The following SUN2 variants were observed in gnomAD, a reference collection of about 807,000 sequenced individuals.
SUN2 encodes Sad1 and UNC84 domain containing 2.
SUN2 carries 60 observed loss-of-function variants against 100.0 expected under a neutral mutation model. The observed-to-expected ratio is 0.60, with a 90% confidence interval of 0.49 to 0.74. SUN2 has a LOEUF of 0.74. Among genes scored for constraint, SUN2 ranks in the 30% least tolerant of loss-of-function variants. The pLI is 0.00. For synonymous variants in SUN2, 367 were observed against 403.3 expected, an observed-to-expected ratio of 0.91 and a Z score of 1.08; for missense variants, 834 against 954.6, an observed-to-expected ratio of 0.87 and a Z score of 1.66.
Position 38,738,366 on chromosome 22 carries a change from A to G in SUN2, c.1948-101T>C, listed in dbSNP as rs1453320243. 2 of 1,179,574 alleles carry G rather than the reference A, an allele frequency of 1.7e-6. No individual in the cohort carries two copies. The highest frequency in any genetic ancestry group is 2.0e-4 in the Middle Eastern group (1 of 4,994). 73.1% of individuals were successfully genotyped at this position (1,179,574 alleles called of 1,614,324 possible). On this transcript the variant is annotated intron_variant, in intron 16 of 17. Transcript: ENST00000689035. The surrounding 1 kb of genome is among the most constrained non-coding windows in gnomAD (Gnocchi z 6.6). ...TCCCACCCAGCAGGTCAGGCACCAG[A>G]GTGGCCTATGACAAGTCACTTCACT...
rs530243555 is a variant in SUN2 at position 38,736,164 on chromosome 22, T to A, written c.*103A>T. The stretch of plus-strand genomic sequence containing the variant: ...CTGCATGGGGCCACAGGCTCCTCTC[T>A]TGTGCTCCTAGAAGTCAGAGCGCCG... On this transcript the variant is annotated 3_prime_UTR_variant, in exon 18 of 18. Coordinates refer to ENST00000689035, the MANE Select transcript of SUN2 (RefSeq NM_015374.3). The A allele has an allele frequency of 8.9e-7, 1 of 1,127,506 alleles. No individual in the cohort carries two copies. Among genetic ancestry groups the A allele is most frequent in the East Asian group, 2.4e-5 (1 of 41,678 alleles). The allele number at this position is 1,127,506 out of a possible 1,614,324, so 69.8% of individuals were successfully genotyped here. A position where few individuals can be genotyped will look rare whatever the true frequency, so the allele number is the denominator to read the frequency against.
chr22:38,738,746 C>T lies in SUN2; in HGVS notation c.1788G>A (p.Val596=). The part of the protein sequence containing the change: ...QSPRVILQPD[V]HPGNCWAFQG... Reference sequence around the variant, plus strand: ...GGAAGGCCCAGCAGTTGCCTGGGTGCACATCTGGCTGGAGGAGCAGAAAGT... The same window carrying T: ...GGAAGGCCCAGCAGTTGCCTGGGTGTACATCTGGCTGGAGGAGCAGAAAGT... The change falls in exon 16 of 18, where the codon GTG becomes GTA. Residue 596 remains valine (V), a synonymous_variant. Coordinates refer to ENST00000689035, the MANE Select transcript of SUN2 (RefSeq NM_015374.3). The surrounding 1 kb of genome is among the most constrained non-coding windows in gnomAD (Gnocchi z 6.6). 2 of 1,613,390 alleles carry T rather than the reference C, an allele frequency of 1.2e-6. No individual in the cohort carries two copies. The highest frequency in any genetic ancestry group is 1.7e-6 in the Non-Finnish European group (2 of 1,179,890).
chr22:38,739,767 C>T lies in SUN2; in HGVS notation c.1533G>A (p.Leu511=). Residue 511 remains leucine, a synonymous_variant, in exon 13 of 18, where the codon CTG becomes CTA. Coordinates refer to ENST00000689035, the MANE Select transcript of SUN2 (RefSeq NM_015374.3). The surrounding 1 kb of genome is among the most constrained non-coding windows in gnomAD (Gnocchi z 6.7). Reference sequence around the variant, plus strand: ...CACCTTCTTTCTGCAGCGTCAGGCTCAGGGAGGCCGCGGCTTCCCTGGCCG... The same window carrying T: ...CACCTTCTTTCTGCAGCGTCAGGCTTAGGGAGGCCGCGGCTTCCCTGGCCG... The part of the protein sequence containing the change: ...GKSAREAAAS[L]SLTLQKEGVI... The T allele has an allele frequency of 6.2e-7, 1 of 1,613,690 alleles. No homozygotes were observed. Among genetic ancestry groups the T allele is most frequent in the East Asian group, 2.2e-5 (1 of 44,886 alleles).
intron 7 of SUN2, among the ~76,000 whole-genome samples, chr22:38,747,834 T>G (rs2092915817): frequency 6.6e-6 from 1 of 151,998 alleles, no homozygotes; most frequent in Non-Finnish European, 1.5e-5. Context: ...TCCCAGCTAC[T>G]TGGGAGGCTG....
At position 38,755,051 on chromosome 22, in the gene SUN2, TC is replaced by T. The variant is rs2092975458; in HGVS notation, c.-38+711del. The stretch of plus-strand genomic sequence containing the variant: ...CTAACAATCAGTTAGGAAACGCTCA[TC>T]GGAAAGCATCCTTCCCCACTTCTCA... On this transcript the variant is annotated intron_variant, in intron 1 of 17. Coordinates refer to ENST00000689035, the MANE Select transcript of SUN2 (RefSeq NM_015374.3). This position sits in a 1 kb window ranked among gnomAD's most constrained non-coding sequence, Gnocchi z 5.7. The T allele has an allele frequency of 3.8e-6, 4 of 1,040,742 alleles. No individual in the cohort carries two copies. The highest frequency in any genetic ancestry group is 6.6e-5 in the East Asian group (1 of 15,254). 64.5% of individuals were successfully genotyped at this position (1,040,742 alleles called of 1,614,324 possible).
Position 38,736,288 on chromosome 22 carries a change from C to T in SUN2, c.2133G>A (p.Val711=). The change falls in exon 18 of 18, where the codon GTG becomes GTA. Residue 711 remains valine, a synonymous_variant. Coordinates refer to ENST00000689035, the MANE Select transcript of SUN2 (RefSeq NM_015374.3). The part of the protein sequence containing the change: ...PEYTCIYRFR[V]HGEPAH ...AGGGCTAGTGGGCGGGCTCCCCATG[C>T]ACTCTGAAGCGGTAGATGCAGGTGT... 3 of 1,613,668 alleles carry T rather than the reference C, an allele frequency of 1.9e-6. No homozygotes were observed. The highest frequency in any genetic ancestry group is 1.1e-5 in the South Asian group (1 of 91,038).
At position 38,735,429 on chromosome 22, in the gene SUN2, C is replaced by T. The variant is rs2092795285; in HGVS notation, c.*838G>A. 3.0e-6 allele frequency: 1 copy of T among 338,112 alleles called. No homozygotes were observed. The highest frequency in any genetic ancestry group is 4.1e-5 in the Admixed American group (1 of 24,198). 20.9% of individuals were successfully genotyped at this position (338,112 alleles called of 1,614,324 possible). A position where few individuals can be genotyped will look rare whatever the true frequency, so the allele number is the denominator to read the frequency against. ...TGCTATAACCCCAGATGCTAATGGC[C>T]CCAAAGACAGGTCTAGGTCTCCATA... On this transcript the variant is annotated 3_prime_UTR_variant, in exon 18 of 18. Transcript: ENST00000689035.
At position 38,736,267 on chromosome 22, in the gene SUN2, C is replaced by T; in HGVS notation, c.2154G>A (p.Ter718=). The T allele has an allele frequency of 1.2e-6, 2 of 1,611,610 alleles. No homozygotes were observed. The highest frequency in any genetic ancestry group is 1.7e-6 in the Non-Finnish European group (2 of 1,178,546). The part of the protein sequence containing the change: ...RFRVHGEPAH[*] ...TGGCAGCAGGCACCAGTAAGCAGGG[C>T]TAGTGGGCGGGCTCCCCATGCACTC... Residue 718 remains the stop codon, a stop_retained_variant, in exon 18 of 18, where the codon TAG becomes TAA. Transcript: ENST00000689035.
At chr22:38,748,885 G>T (rs912328119) in intron 6 of SUN2, 102 bp from the exon 7 acceptor site, 2 of 1,204,020 alleles carry the variant, frequency 1.7e-6, no homozygotes, top group Non-Finnish European at 2.5e-6. Context: ...TTTCCTGGGT[G>T]CTGAACTAGA....
At chr22:38,743,175 T>C (rs772710622) in intron 8 of SUN2, 2 of 152,246 alleles carry the variant, frequency 1.3e-5, no homozygotes, top group African/African-American at 2.4e-5. Flanking sequence ...AACAAAATCA[T>C]TGCCAAGAGA....
chr22:38,739,495 T>C lies in SUN2; in HGVS notation c.1579-69A>G. On this transcript the variant is annotated intron_variant, in intron 13 of 17. Coordinates refer to ENST00000689035, the MANE Select transcript of SUN2 (RefSeq NM_015374.3). This position sits in a 1 kb window ranked among gnomAD's most constrained non-coding sequence, Gnocchi z 6.7. ...GTGTCCCCCTGTCACCTCGTGGCCGTGGGCCAAGGACCCATGGGCTGACCC... is the reference window on the plus strand; with the variant it reads ...GTGTCCCCCTGTCACCTCGTGGCCGCGGGCCAAGGACCCATGGGCTGACCC... 2 of 1,560,224 alleles carry C rather than the reference T, an allele frequency of 1.3e-6. No homozygotes were observed. The highest frequency in any genetic ancestry group is 2.2e-5 in the South Asian group (2 of 88,898).
At position 38,738,942 on chromosome 22, in the gene SUN2, CTTGGTCTCG is replaced by C; in HGVS notation, c.1701_1709del (p.Tyr567_Lys570delinsTer). The stretch of plus-strand genomic sequence containing the variant: ...TGCCGAAGAGGCTGAGGAGGGCCGT[CTTGGTCTCG>C]TAGGTCTCAGAACATCGGGTGCTGA... On this transcript the variant is annotated stop_gained and inframe_deletion, in exon 15 of 18. Coordinates refer to ENST00000689035, the MANE Select transcript of SUN2 (RefSeq NM_015374.3). LOFTEE classifies it high-confidence loss of function. This position sits in a 1 kb window ranked among gnomAD's most constrained non-coding sequence, Gnocchi z 6.6. 1 of 1,613,674 alleles carries C rather than the reference CTTGGTCTCG, an allele frequency of 6.2e-7. No homozygotes were observed. The highest frequency in any genetic ancestry group is 8.5e-7 in the Non-Finnish European group (1 of 1,179,838).
rs545823498 is a variant in SUN2, at chr22:38,750,229, C to T, written c.516G>A (p.Ser172=). The change falls in exon 5 of 18, where the codon TCG becomes TCA. Residue 172 remains serine, a synonymous_variant. Transcript: ENST00000689035. ...TGGGCACGGGTTGCAGCCCACCTGG[C>T]GAAGTGGCCACCATCCAGAGTAAGG... ...AGSLLWMVAT[S]PGRLFRLLYW... The T allele has an allele frequency of 3.4e-5, 55 of 1,609,982 alleles. No homozygotes were observed. Among genetic ancestry groups the T allele is most frequent in the Admixed American group, 1.7e-4 (10 of 59,924 alleles).
rs775876506 is a variant in SUN2, at chr22:38,745,794, G to C, written c.703C>G (p.Pro235Ala). The C allele has an allele frequency of 6.2e-7, 1 of 1,613,976 alleles. No homozygotes were observed. Among genetic ancestry groups the C allele is most frequent in the Non-Finnish European group, 8.5e-7 (1 of 1,179,978 alleles). ...GGGTGGAATGTCTGCAGCCCATAGGGGTAGAAATACCAAGCACCTGTGCAC... is the reference window on the plus strand; with the variant it reads ...GGGTGGAATGTCTGCAGCCCATAGGCGTAGAAATACCAAGCACCTGTGCAC... Reference protein sequence around the residue: ...CLTYGAWYFYPYGLQTFHPAL... With the variant: ...CLTYGAWYFYAYGLQTFHPAL... Residue 235 changes from proline to alanine, a missense_variant, in exon 8 of 18, where the codon CCC (proline) becomes GCC (alanine). Pro to Ala is a conservative substitution (Grantham distance 27). Transcript: ENST00000689035.
chr22:38,752,088 C>T (rs1161715949), intron 2 of SUN2, among the ~76,000 whole-genome samples: 1 of 152,242 alleles, frequency 6.6e-6, no homozygotes, highest in Non-Finnish European at 1.5e-5. Flanking sequence ...GATTCTCCTG[C>T]CTCAGCCTCC....
intron 7 of SUN2, 146 bp from the exon 8 acceptor site, chr22:38,745,957 G>A: frequency 7.9e-7 from 1 of 1,269,400 alleles, no homozygotes; most frequent in Non-Finnish European, 1.1e-6. Flanking sequence ...GAGGGATGCA[G>A]GTGCCCCCAT....
chr22:38,736,321 G>T lies in SUN2; in HGVS notation c.2100C>A (p.His700Gln). The T allele has an allele frequency of 6.2e-7, 1 of 1,614,090 alleles. No individual in the cohort carries two copies. The highest frequency in any genetic ancestry group is 8.5e-7 in the Non-Finnish European group (1 of 1,179,964). The change falls in exon 18 of 18, where the codon CAC (histidine) becomes CAA (glutamine). Residue 700 changes from histidine to glutamine, a missense_variant. Physicochemically the swap from His to Gln is conservative, Grantham distance 24. Around this residue, in one of 3 missense-constraint regions of SUN2, gnomAD observed 80 missense variants for 76.7 expected, o/e 1.04. Transcript: ENST00000689035. ...AGCGGTAGATGCAGGTGTACTCGGG[G>T]TGGCCCCAGTTAGTCAGGATCCGCA... Reference protein sequence around the residue: ...VELRILTNWGHPEYTCIYRFR... With the variant: ...VELRILTNWGQPEYTCIYRFR...
chr22:38,739,799 C>T lies in SUN2; in HGVS notation c.1501G>A (p.Gly501Ser), dbSNP rs753766628. ...KILTHVAEMQ[G>S]KSAREAAASL... ...GCCGCGGCTTCCCTGGCCGACTTGC[C>T]CTGCATCTCTGCCACATGGGTGAGG... Residue 501 changes from glycine (G) to serine (S), a missense_variant, in exon 13 of 18, where the codon GGC (glycine) becomes AGC (serine). Around this residue, in one of 3 missense-constraint regions of SUN2, gnomAD observed 195 missense variants for 280.2 expected, o/e 0.70. Transcript: ENST00000689035. The surrounding 1 kb of genome is among the most constrained non-coding windows in gnomAD (Gnocchi z 6.7). 16 of 1,613,558 alleles carry T rather than the reference C, an allele frequency of 9.9e-6. No individual in the cohort carries two copies. The highest frequency in any genetic ancestry group is 1.1e-5 in the Non-Finnish European group (13 of 1,180,044).
chr22:38,738,502 G>A lies in SUN2; in HGVS notation c.1947+85C>T, dbSNP rs1233749507. ...TCCACTCCCCTCCCTTCCAGTCCAA[G>A]GGTGACCCTGACTTGATCCTCAGTA... On this transcript the variant is annotated intron_variant, in intron 16 of 17. Transcript: ENST00000689035. The surrounding 1 kb of genome is among the most constrained non-coding windows in gnomAD (Gnocchi z 6.6). 1 of 1,535,202 alleles carries A rather than the reference G, an allele frequency of 6.5e-7. No individual in the cohort carries two copies. Among genetic ancestry groups the A allele is most frequent in the African/African-American group, 1.4e-5 (1 of 73,114 alleles).
Sources: gnomAD v4.1 joint callset for allele counts (sites outside exome capture counted in the v4.1 genomes callset) on GRCh38, gnomAD v4.1.1 for gene constraint, gnomAD v4.1.1 regional missense constraint, Gnocchi (gnomAD v3.1) non-coding constraint, MANE v1.5 for transcripts, NCBI Gene and HGNC (gene_info 2026-07-23, HGNC 2026-07-21) for gene names.